Variants in C2CD5 observed in about 807,000 individuals in gnomAD.
C2CD5 encodes C2 domain-containing protein 5.
A neutral mutation model predicts 130.3 loss-of-function variants in C2CD5; 109 were observed. That is an observed-to-expected ratio of 0.84 (90% CI 0.72 to 0.98). The LOEUF (loss-of-function observed/expected upper bound fraction) is 0.98. C2CD5 is among the 50% of genes least tolerant of loss of function. The pLI, the probability that C2CD5 is intolerant of heterozygous loss-of-function variation, is 0.00. For missense variants in C2CD5, 996 were observed against 1,261.8 expected, an observed-to-expected ratio of 0.79 and a Z score of 3.19; for synonymous variants, 454 against 429.2, an observed-to-expected ratio of 1.06 and a Z score of -0.71.
rs542195322 is a variant in C2CD5 at position 22,541,231 on chromosome 12, G to A, written c.90+2830C>T. On this transcript the variant is annotated intron_variant, in intron 2 of 26. Coordinates refer to ENST00000446597, the MANE Select transcript of C2CD5 (RefSeq NM_001286176.2). Reference sequence around the variant, plus strand: ...AACCCAATACTTCAGAAAGCTAGGAGTCATCTTTTAATCTATCTTCAAAAT... The same window carrying A: ...AACCCAATACTTCAGAAAGCTAGGAATCATCTTTTAATCTATCTTCAAAAT... Among the ~76,000 whole-genome samples, 134 of 152,246 alleles carry A rather than the reference G, an allele frequency of 8.8e-4. 14 individuals are homozygous for A. The highest frequency in any genetic ancestry group is 1.0e-4 in the Non-Finnish European group (7 of 68,028).
At chr12:22,515,602 T>C (rs61272002) in intron 8 of C2CD5, among the ~76,000 whole-genome samples, 7,465 of 152,162 alleles carry the variant, frequency 0.049, 619 homozygotes, top group African/African-American at 0.17. Context: ...AACTAAAAGA[T>C]AGCATCAATG....
At chr12:22,451,350 AC>A (rs1483640695) in intron 26 of C2CD5, among the ~76,000 whole-genome samples, 58 of 152,330 alleles carry the variant, frequency 3.8e-4, no homozygotes, top group African/African-American at 1.3e-3. Context: ...TGAGGCTTCA[AC>A]CATATTTTTA....
At chr12:22,463,903 T>C (rs141249261) in intron 22 of C2CD5, 2 of 152,356 alleles carry the variant, frequency 1.3e-5, no homozygotes, top group Non-Finnish European at 2.9e-5. Context: ...TGTTTTATTT[T>C]CCTATTTAAA....
intron 8 of C2CD5, 29 bp downstream of exon 8, chr12:22,517,957 A>G: frequency 5.8e-6 from 9 of 1,553,544 alleles, no homozygotes; most frequent in Non-Finnish European, 6.9e-6. Context: ...TAAAAAAGAA[A>G]AAATAAAAGG....
chr12:22,459,468 A>G (rs1940662513), intron 23 of C2CD5, 24 bp downstream of exon 23: 2 of 1,480,268 alleles, frequency 1.4e-6, no homozygotes, highest in Non-Finnish European at 1.8e-6. Context: ...TTTGGTGACT[A>G]TTTGCTTAAT....
Position 22,472,037 on chromosome 12 carries a change from A to C in C2CD5, c.2198T>G (p.Leu733Ter). ...QMFTSVRVIR[L>*]SSLNLTNQAL... is the part of the protein sequence containing the mutation. ...TTGATTAGTCAGGTTGAGGCTGCTT[A>C]ATCTGATTACTCTTACTGAAGTGAA... Residue 733 changes from leucine (L) to a stop codon, truncating the protein, a stop_gained, in exon 19 of 27, where the codon TTA becomes TGA. Transcript: ENST00000446597. LOFTEE classifies it high-confidence loss of function. 6.2e-7 allele frequency: 1 copy of C among 1,600,282 alleles called. No individual in the cohort carries two copies. The highest frequency in any genetic ancestry group is 8.5e-7 in the Non-Finnish European group (1 of 1,170,094).
At chr12:22,535,102 T>C (rs147486624) in intron 3 of C2CD5, 156 bp downstream of exon 3, 121 of 616,112 alleles carry the variant, frequency 2.0e-4, no homozygotes, top group African/African-American at 1.8e-3. Flanking sequence ...TAATACAACT[T>C]TTTTTAGACT....
chr12:22,494,922 G>T (rs10505879), intron 10 of C2CD5, among the ~76,000 whole-genome samples: 91,176 of 151,720 alleles, frequency 0.6, 31,966 homozygotes, highest in Non-Finnish European at 0.79. Flanking sequence ...ACACACTTAC[G>T]GACCAATCTG....
intron 2 of C2CD5, among the ~76,000 whole-genome samples, chr12:22,543,593 GGTGTGTGTGTGCCT>G (rs1190994959): frequency 3.3e-5 from 5 of 152,152 alleles, no homozygotes; most frequent in Admixed American, 2.6e-4. Flanking sequence ...CCCTTCCAAG[GGTGTGTGTGTGCCT>G]GTGTGTGTGT....
rs534698284 is a variant in C2CD5 at position 22,478,616 on chromosome 12, C to T, written c.1738-139G>A. The T allele has an allele frequency of 1.2e-4, 80 of 658,810 alleles. 1 individual carries two copies. The highest frequency in any genetic ancestry group is 1.1e-3 in the African/African-American group (62 of 54,686). The allele number at this position is 658,810 out of a possible 1,614,324, so 40.8% of individuals were successfully genotyped here. A position where few individuals can be genotyped will look rare whatever the true frequency, so the allele number is the denominator to read the frequency against. On this transcript the variant is annotated intron_variant, in intron 14 of 26. Transcript: ENST00000446597. ...ATCCCAGTACTTTGGGAGGCCAAGG[C>T]GGGCAGATCACTTGAGGTCAGGAGT... is the stretch of plus-strand genomic sequence containing the variant.
In C2CD5 at chr12:22,506,708, T is replaced by C; in HGVS notation, c.1147+3A>G. The C allele has an allele frequency of 6.7e-7, 1 of 1,490,868 alleles. No homozygotes were observed. The highest frequency in any genetic ancestry group is 9.4e-7 in the Non-Finnish European group (1 of 1,068,116). 92.4% of individuals were successfully genotyped at this position (1,490,868 alleles called of 1,614,324 possible). On this transcript the variant is annotated splice_donor_region_variant and intron_variant, in intron 10 of 26. Coordinates refer to ENST00000446597, the MANE Select transcript of C2CD5 (RefSeq NM_001286176.2). Reference sequence around the variant, plus strand: ...GAAACATTGAAACTTTTTAAGAACATACCAGGATTGTGGATACGATCCAAA... The same window carrying C: ...GAAACATTGAAACTTTTTAAGAACACACCAGGATTGTGGATACGATCCAAA...
intron 24 of C2CD5, 142 bp from the exon 25 acceptor site, chr12:22,457,303 A>G: frequency 2.0e-6 from 1 of 501,010 alleles, no homozygotes; most frequent in East Asian, 3.3e-5. Flanking sequence ...ATTATCATGC[A>G]CTGCATGCAA....
chr12:22,478,453 C>A lies in C2CD5; in HGVS notation c.1762G>T (p.Ala588Ser), dbSNP rs117665966. The change falls in exon 15 of 27, where the codon GCT becomes TCT. Residue 588 changes from alanine to serine, a missense_variant. Ala to Ser is a moderately conservative substitution (Grantham distance 99). Coordinates refer to ENST00000446597, the MANE Select transcript of C2CD5 (RefSeq NM_001286176.2). ...TGAATACCACCAGGAGTTGGTAAAG[C>A]TGCTAAATACACACCTGTGGCAGAC... ...LASATGVYLA[A>S]LPTPGGIQIA... is the part of the protein sequence containing the mutation. The A allele has an allele frequency of 2.5e-6, 4 of 1,613,626 alleles. No homozygotes were observed. The highest frequency in any genetic ancestry group is 3.4e-6 in the Non-Finnish European group (4 of 1,179,710).
chr12:22,484,582 A>G, intron 13 of C2CD5, 115 bp downstream of exon 13: 1 of 475,160 alleles, frequency 2.1e-6, no homozygotes, highest in Non-Finnish European at 3.7e-6. Flanking sequence ...AGAATTGTCC[A>G]GTTTGTGCAG....
rs1938087101 is a variant in C2CD5, at chr12:22,449,656, CTTAT to C, written c.*100_*103del. On this transcript the variant is annotated 3_prime_UTR_variant, in exon 27 of 27. Coordinates refer to ENST00000446597, the MANE Select transcript of C2CD5 (RefSeq NM_001286176.2). ...GCAAATCAAATCTACTCAATTCTTC[CTTAT>C]TTATCTCAAGTTCAATTTTAAGTCT... 7.7e-6 allele frequency: 8 copies of C among 1,041,784 alleles called. No homozygotes were observed. The highest frequency in any genetic ancestry group is 1.1e-5 in the Non-Finnish European group (8 of 711,898). 64.5% of individuals were successfully genotyped at this position (1,041,784 alleles called of 1,614,324 possible). A position where few individuals can be genotyped will look rare whatever the true frequency, so the allele number is the denominator to read the frequency against.
chr12:22,538,870 C>A (rs939682944), intron 2 of C2CD5, among the ~76,000 whole-genome samples: 15 of 151,986 alleles, frequency 9.9e-5, no homozygotes, highest in Non-Finnish European at 2.2e-4. Context: ...GACAAGCCCA[C>A]GCTTCATTAT....
intron 10 of C2CD5, among the ~76,000 whole-genome samples, chr12:22,501,072 C>T (rs1332462062): frequency 6.6e-6 from 1 of 152,122 alleles, no homozygotes; most frequent in African/African-American, 2.4e-5. Context: ...TCAGAATTAT[C>T]AAGTTATTTT....
chr12:22,495,136 A>G (rs1946845924), intron 10 of C2CD5, among the ~76,000 whole-genome samples: 1 of 152,098 alleles, frequency 6.6e-6, no homozygotes, highest in African/African-American at 2.4e-5. Context: ...TCTTAAACTC[A>G]CTAATAAAAC....
Position 22,524,620 on chromosome 12 carries a change from A to G in C2CD5, c.453T>C (p.Ser151=), listed in dbSNP as rs199644739. 1 of 1,609,716 alleles carries G rather than the reference A, an allele frequency of 6.2e-7. No individual in the cohort carries two copies. Among genetic ancestry groups the G allele is most frequent in the African/African-American group, 1.3e-5 (1 of 74,878 alleles). ...TCACAGCTCTATAGCATTTTGGAAT[A>G]GACGTTGCTGTTAAAACAAATTATT... is the stretch of plus-strand genomic sequence containing the variant. ...SCGVKFFCTT[S]IPKCYRAVII... The change falls in exon 6 of 27, where the codon TCT becomes TCC. Residue 151 remains serine, a synonymous_variant. Transcript: ENST00000446597.
Sources: allele counts gnomAD v4.1 joint callset (sites outside exome capture counted in the v4.1 genomes callset), GRCh38; gene constraint gnomAD v4.1.1; transcripts MANE v1.5; gene names NCBI Gene and HGNC (gene_info 2026-07-23, HGNC 2026-07-21).